Variants in FAM234A observed in about 807,000 individuals in gnomAD.
FAM234A encodes family with sequence similarity 234 member A.
A neutral mutation model predicts 49.1 loss-of-function variants in FAM234A; 42 were observed. The observed-to-expected ratio is 0.86, with a 90% confidence interval of 0.67 to 1.11. FAM234A has a LOEUF of 1.11. Among genes scored for constraint, FAM234A ranks in the 50% least tolerant of loss-of-function variants. FAM234A has a pLI of 0.00. For missense variants in FAM234A, 815 were observed against 745.2 expected, an observed-to-expected ratio of 1.09 and a Z score of -1.09; for synonymous variants, 369 against 316.2, an observed-to-expected ratio of 1.17 and a Z score of -1.77.
chr16:262,523 A>T lies in FAM234A; in HGVS notation c.941A>T (p.Asn314Ile). The change falls in exon 8 of 13, where the codon AAT becomes ATT. Residue 314 changes from asparagine to isoleucine, a missense_variant. Physicochemically the swap from Asn to Ile is moderately radical, Grantham distance 149 (BLOSUM62 -3). Transcript: ENST00000399932. ...KSDPHWESML[N>I]ATTRRMLSHS... ...GACCCGCACTGGGAGAGCATGCTCA[A>T]TGCCACCACCCGCAGGATGCTTTCC... is the stretch of plus-strand genomic sequence containing the variant. 6.2e-7 allele frequency: 1 copy of T among 1,610,164 alleles called. No homozygotes were observed. The highest frequency in any genetic ancestry group is 1.1e-5 in the South Asian group (1 of 90,706).
intron 1 of FAM234A, among the ~76,000 whole-genome samples, chr16:242,118 T>A (rs996343748): frequency 6.6e-6 from 1 of 151,906 alleles, no homozygotes; most frequent in African/African-American, 2.4e-5. Flanking sequence ...TTCTTCCCCC[T>A]AATCAGAGTT....
In FAM234A at chr16:242,063, G is replaced by A. The variant is rs527623885; in HGVS notation, c.-140+7206G>A. ...ACTGTGGTATTCCTGCCCCACCCCTGCCGAAATGTTAATGAGCTGTGCAAA... is the reference window on the plus strand; with the variant it reads ...ACTGTGGTATTCCTGCCCCACCCCTACCGAAATGTTAATGAGCTGTGCAAA... On this transcript the variant is annotated intron_variant, in intron 1 of 12. Coordinates refer to ENST00000399932, the MANE Select transcript of FAM234A (RefSeq NM_032039.4). 1.3e-4 allele frequency among the ~76,000 whole-genome samples: 20 copies of A among 152,186 alleles called. 1 individual carries two copies. The South Asian group carries it at 4.1e-3, about 32-fold the overall frequency.
chr16:252,711 T>A (rs1375966583), intron 2 of FAM234A, among the ~76,000 whole-genome samples: 1 of 152,156 alleles, frequency 6.6e-6, no homozygotes, highest in Admixed American at 6.6e-5. Flanking sequence ...CATACACAGG[T>A]TATTAAGTGA....
intron 8 of FAM234A, among the ~76,000 whole-genome samples, 197 bp from the exon 9 acceptor site, chr16:263,065 G>A (rs919628415): frequency 3.9e-5 from 6 of 152,028 alleles, no homozygotes; most frequent in Non-Finnish European, 2.9e-5. Flanking sequence ...TGATCCGCCC[G>A]CCTCGGCCTC....
intron 1 of FAM234A, among the ~76,000 whole-genome samples, chr16:238,672 A>C (rs771209781): frequency 1.4e-5 from 2 of 144,004 alleles, no homozygotes; most frequent in Non-Finnish European, 1.5e-5. Flanking sequence ...AGGCTGAGGC[A>C]GGAGAATGGC....
chr16:254,664 T>C lies in FAM234A; in HGVS notation c.251T>C (p.Ile84Thr). 6.2e-7 allele frequency: 1 copy of C among 1,613,834 alleles called. No homozygotes were observed. The highest frequency in any genetic ancestry group is 8.5e-7 in the Non-Finnish European group (1 of 1,180,006). Residue 84 changes from isoleucine to threonine, a missense_variant, in exon 3 of 13, where the codon ATA becomes ACA. Ile to Thr is a moderately conservative substitution (Grantham distance 89). Transcript: ENST00000399932. The part of the protein sequence containing the change: ...DRPASQRMWR[I>T]DYSAAVIYDF... ...CCGGCGTCACAGCGAATGTGGAGGATAGACTACAGTGCCGCTGGTGAGCCT... is the reference window on the plus strand; with the variant it reads ...CCGGCGTCACAGCGAATGTGGAGGACAGACTACAGTGCCGCTGGTGAGCCT...
intron 1 of FAM234A, among the ~76,000 whole-genome samples, chr16:238,501 T>A (rs1314749565): frequency 6.6e-6 from 1 of 152,030 alleles, no homozygotes; most frequent in African/African-American, 2.4e-5. Flanking sequence ...GCACGGTGGC[T>A]CACGCCTGTA....
intron 1 of FAM234A, among the ~76,000 whole-genome samples, chr16:242,428 G>A (rs560047695): frequency 4.1e-4 from 63 of 152,158 alleles, no homozygotes; most frequent in African/African-American, 1.5e-3. Context: ...TGGCCAGCCT[G>A]GTCTTGAACT....
intron 4 of FAM234A, 27 bp downstream of exon 4, chr16:259,626 G>A (rs376815747): frequency 2.9e-5 from 39 of 1,364,994 alleles, no homozygotes; most frequent in South Asian, 1.4e-4. Flanking sequence ...TGAAAAAGGC[G>A]GAGCTCCCTG....
chr16:256,060 GGTCTGTCT>G (rs567399687), intron 3 of FAM234A, among the ~76,000 whole-genome samples: 74 of 152,344 alleles, frequency 4.9e-4, no homozygotes, highest in African/African-American at 1.7e-3. Flanking sequence ...TTTGTGTCGT[GGTCTGTCT>G]GTGTCTTTCC....
At chr16:268,588 T>G, downstream of FAM234A, 2 of 618,518 alleles carry the variant, frequency 3.2e-6, no homozygotes, top group Non-Finnish European at 5.7e-6. Context: ...GCCTCGTCAG[T>G]GGGGTGACAA....
chr16:266,708 G>C (rs962989323), downstream of FAM234A, among the ~76,000 whole-genome samples: 1 of 152,166 alleles, frequency 6.6e-6, no homozygotes, highest in Non-Finnish European at 1.5e-5. Context: ...GGGTGCCCTC[G>C]TGCCAGGAAG....
At chr16:239,524 A>G (rs946551547) in intron 1 of FAM234A, among the ~76,000 whole-genome samples, 5 of 150,590 alleles carry the variant, frequency 3.3e-5, no homozygotes, top group African/African-American at 1.2e-4. Context: ...CTGAGGCAGG[A>G]GAATGGCATG....
intron 1 of FAM234A, among the ~76,000 whole-genome samples, chr16:236,208 G>C (rs1290037325): frequency 1.3e-5 from 2 of 150,076 alleles, no homozygotes; most frequent in Admixed American, 6.6e-5. Context: ...CACTCGCCTC[G>C]GCCTCCCAAA....
At chr16:268,562 C>T (rs951744329), downstream of FAM234A, 3 of 597,462 alleles carry the variant, frequency 5.0e-6, no homozygotes, top group Non-Finnish European at 8.9e-6. Flanking sequence ...GGCAAGGATC[C>T]ACCCTATGGA....
intron 1 of FAM234A, among the ~76,000 whole-genome samples, chr16:247,222 C>G (rs1057333546): frequency 6.6e-6 from 1 of 151,936 alleles, no homozygotes; most frequent in African/African-American, 2.4e-5. Flanking sequence ...CCTCCACTTC[C>G]TGGCTTCAAG....
rs780753017 is a variant in FAM234A at position 264,839 on chromosome 16, C to T, written c.1476C>T (p.Ala492=). ...TCCTGTTTGAGCCAAGCCGCCACGCCGCCTACATCCTTCTGACAGGCCCGG... is the reference window on the plus strand; with the variant it reads ...TCCTGTTTGAGCCAAGCCGCCACGCTGCCTACATCCTTCTGACAGGCCCGG... ...DAVLFEPSRH[A]AYILLTGPAD... The change falls in exon 13 of 13, where the codon GCC becomes GCT. Residue 492 remains alanine (A), a synonymous_variant. Transcript: ENST00000399932. The T allele has an allele frequency of 7.4e-6, 12 of 1,611,286 alleles. No individual in the cohort carries two copies. The highest frequency in any genetic ancestry group is 1.6e-4 in the Middle Eastern group (1 of 6,078).
chr16:242,635 C>T (rs1322414389), intron 1 of FAM234A, among the ~76,000 whole-genome samples: 1 of 142,726 alleles, frequency 7.0e-6, no homozygotes, highest in East Asian at 2.1e-4. Context: ...TTTTCTGAGA[C>T]AGAGTCTCGC....
chr16:261,184 C>G, intron 5 of FAM234A, 200 bp from the exon 6 acceptor site: 1 of 564,004 alleles, frequency 1.8e-6, no homozygotes, highest in Non-Finnish European at 3.1e-6. Flanking sequence ...GTGTGTCCAC[C>G]ACCTCCGCGT....
Sources: gnomAD v4.1 joint callset for allele counts (sites outside exome capture counted in the v4.1 genomes callset) on GRCh38, gnomAD v4.1.1 for gene constraint, MANE v1.5 for transcripts, NCBI Gene and HGNC (gene_info 2026-07-23, HGNC 2026-07-21) for gene names.